CEP112: variants seen among roughly 807,000 people sequenced by gnomAD.
CEP112 encodes the protein centrosomal protein of 112 kDa.
CEP112 carries 127 observed loss-of-function variants against 153.0 expected under a neutral mutation model. The ratio of observed to expected loss-of-function variants is 0.83; its 90% CI spans 0.72 to 0.96. The LOEUF (loss-of-function observed/expected upper bound fraction) is 0.96. Among genes scored for constraint, CEP112 ranks in the 40% least tolerant of loss-of-function variants. The pLI, the probability that CEP112 is intolerant of heterozygous loss-of-function variation, is 0.00. For synonymous variants in CEP112, 358 were observed against 374.4 expected (o/e 0.96, Z 0.51); for missense variants, 1,089 against 1,101.2 (o/e 0.99, Z 0.16).
intron 17 of CEP112, among the ~76,000 whole-genome samples, chr17:65,978,940 A>G (rs1377548709): frequency 1.3e-5 from 2 of 152,226 alleles, no homozygotes; most frequent in African/African-American, 4.8e-5. Flanking sequence ...GAAATACTTC[A>G]CAGAATGAAA....
chr17:66,092,304 T>G (rs938022603), intron 8 of CEP112, among the ~76,000 whole-genome samples: 4 of 149,696 alleles, frequency 2.7e-5, no homozygotes, highest in African/African-American at 9.9e-5. Flanking sequence ...CCTCCCAAAG[T>G]GCTGGGATTA....
chr17:65,719,936 G>A (rs1020022577), intron 23 of CEP112, among the ~76,000 whole-genome samples: 1 of 152,184 alleles, frequency 6.6e-6, no homozygotes, highest in Non-Finnish European at 1.5e-5. Flanking sequence ...AGGTTGGAAG[G>A]GGACAAGCCT....
chr17:65,914,765 T>TA (rs1233190621), intron 19 of CEP112, among the ~76,000 whole-genome samples: 2 of 152,182 alleles, frequency 1.3e-5, no homozygotes, highest in Admixed American at 6.5e-5. Flanking sequence ...TATCTCATTT[T>TA]AAAAAAACTT....
At chr17:66,144,270 C>G (rs546302874) in intron 4 of CEP112, among the ~76,000 whole-genome samples, 1 of 152,278 alleles carries the variant, frequency 6.6e-6, no homozygotes, top group South Asian at 2.1e-4. Context: ...ACCTCTTCCT[C>G]CAATTCCAGA....
At chr17:66,093,083 C>T (rs994272791) in intron 8 of CEP112, among the ~76,000 whole-genome samples, 2 of 152,092 alleles carry the variant, frequency 1.3e-5, no homozygotes, top group African/African-American at 4.8e-5. Context: ...TAATCAATCC[C>T]AGCACTTTGG....
At chr17:66,085,252 C>T (rs954482490) in intron 8 of CEP112, among the ~76,000 whole-genome samples, 1 of 152,070 alleles carries the variant, frequency 6.6e-6, no homozygotes, top group African/African-American at 2.4e-5. Context: ...TTTAATATAA[C>T]AGAGAGTTAT....
At chr17:66,134,746 C>A (rs566684371) in intron 4 of CEP112, among the ~76,000 whole-genome samples, 1 of 152,194 alleles carries the variant, frequency 6.6e-6, no homozygotes, top group South Asian at 2.1e-4. Context: ...TTGAGACCAG[C>A]GGGAGGTTGA....
At chr17:65,963,323 A>T (rs1482125811) in intron 17 of CEP112, among the ~76,000 whole-genome samples, 4 of 152,216 alleles carry the variant, frequency 2.6e-5, no homozygotes, top group African/African-American at 9.7e-5. Flanking sequence ...GAGAAATATC[A>T]TAAAGGGGAG....
intron 23 of CEP112, among the ~76,000 whole-genome samples, chr17:65,694,588 A>G (rs232133): frequency 0.46 from 70,361 of 152,012 alleles, 16,565 homozygotes; most frequent in Middle Eastern, 0.56. Context: ...CAGTTAAAAA[A>G]CTGAAAAGTC....
intron 4 of CEP112, among the ~76,000 whole-genome samples, chr17:66,151,740 G>A (rs1253602245): frequency 6.6e-6 from 1 of 152,058 alleles, no homozygotes; most frequent in African/African-American, 2.4e-5. Flanking sequence ...ACCCCAGCAA[G>A]GACCTGAATC....
At chr17:65,647,601 C>T (rs993102571) in intron 24 of CEP112, among the ~76,000 whole-genome samples, 4 of 151,680 alleles carry the variant, frequency 2.6e-5, no homozygotes, top group Admixed American at 2.0e-4. Context: ...CTCAGCCTCC[C>T]GAGTAGCTGG....
chr17:66,133,567 T>C (rs1323657408), intron 4 of CEP112, among the ~76,000 whole-genome samples: 1 of 152,194 alleles, frequency 6.6e-6, no homozygotes. Flanking sequence ...ATAAATATCA[T>C]ATAAAATACA....
chr17:65,872,180 T>C (rs935952867), intron 20 of CEP112, among the ~76,000 whole-genome samples: 4 of 152,124 alleles, frequency 2.6e-5, no homozygotes, highest in Non-Finnish European at 5.9e-5. Context: ...TTTTCAACAT[T>C]TAAAATTACC....
intron 18 of CEP112, among the ~76,000 whole-genome samples, chr17:65,957,491 G>T (rs2062041739): frequency 6.6e-6 from 1 of 151,950 alleles, no homozygotes; most frequent in Non-Finnish European, 1.5e-5. Context: ...GATTTAATTT[G>T]TATGATAGTG....
intron 21 of CEP112, among the ~76,000 whole-genome samples, chr17:65,848,175 T>C (rs909049300): frequency 1.9e-4 from 29 of 152,266 alleles, no homozygotes; most frequent in African/African-American, 6.5e-4. Flanking sequence ...TAACTCCTGC[T>C]GCTCTTTGGA....
At position 66,184,760 on chromosome 17, in the gene CEP112, A is replaced by G. The variant is rs572293091; in HGVS notation, c.-8-1453T>C. Among the ~76,000 whole-genome samples, 224 of 152,324 alleles carry G rather than the reference A, an allele frequency of 1.5e-3. 1 individual carries two copies. Among genetic ancestry groups the G allele is most frequent in the Middle Eastern group, 3.4e-3 (1 of 294 alleles). ...CCACTCCCAAGTATTTAGCTAAGTG[A>G]AAAGAAAAATCTATATACACAAAAA... On this transcript the variant is annotated intron_variant, in intron 1 of 26. Transcript: ENST00000535342.
At position 66,125,231 on chromosome 17, in the gene CEP112, C is replaced by A. The variant is rs529104836; in HGVS notation, c.642+4515G>T. 2.0e-5 allele frequency among the ~76,000 whole-genome samples: 3 copies of A among 152,340 alleles called. No individual in the cohort carries two copies. In the South Asian group the frequency reaches 6.2e-4, roughly 32 times the overall value. The stretch of plus-strand genomic sequence containing the variant: ...GTAAACCACTCTCATAACTCTTCTT[C>A]ATTTGGGTAACTTTGTCCTAGTCTC... On this transcript the variant is annotated intron_variant, in intron 6 of 26. Coordinates refer to ENST00000535342, the MANE Select transcript of CEP112 (RefSeq NM_001199165.4).
intron 8 of CEP112, among the ~76,000 whole-genome samples, chr17:66,073,613 T>C (rs148559306): frequency 1.3e-5 from 2 of 152,286 alleles, no homozygotes; most frequent in South Asian, 2.1e-4. Context: ...TACCTGGGAA[T>C]TCAGCTGAAA....
rs2053908038 is a variant in CEP112, at chr17:65,779,982, C to A, written c.2395-29258G>T. ...CTCATTAAATACTGATGAATCCATT[C>A]TAAGAAGAAATGCCCATATATTCCT... On this transcript the variant is annotated intron_variant, in intron 21 of 26. Transcript: ENST00000535342. Among the ~76,000 whole-genome samples, 3 of 152,184 alleles carry A rather than the reference C, an allele frequency of 2.0e-5. No homozygotes were observed. In the South Asian group the frequency reaches 6.2e-4, roughly 32 times the overall value.
Sources: allele counts gnomAD v4.1 joint callset (sites outside exome capture counted in the v4.1 genomes callset), GRCh38; gene constraint gnomAD v4.1.1; transcripts MANE v1.5; gene names NCBI Gene and HGNC (gene_info 2026-07-23, HGNC 2026-07-21).